WDFY4: variants seen among roughly 807,000 people sequenced by gnomAD.
WDFY4 encodes the protein WD repeat- and FYVE domain-containing protein 4.
WDFY4 carries 169 observed loss-of-function variants against 351.9 expected under a neutral mutation model. That is an observed-to-expected ratio of 0.48 (90% CI 0.42 to 0.55). The LOEUF is 0.55. Among genes scored for constraint, WDFY4 ranks in the 20% least tolerant of loss-of-function variants. The pLI is 0.00. For synonymous variants in WDFY4, 1,622 were observed against 1,574.6 expected (o/e 1.03, Z -0.71); for missense variants, 3,803 against 3,935.6 (o/e 0.97, Z 0.90).
At chr10:48,815,822 T>G (rs150226060) in intron 31 of WDFY4, among the ~76,000 whole-genome samples, 2 of 152,292 alleles carry the variant, frequency 1.3e-5, no homozygotes, top group East Asian at 3.9e-4. Flanking sequence ...TTAGTCACTC[T>G]GTCCTTATTC....
chr10:48,830,072 G>A (rs1778592698), intron 37 of WDFY4, among the ~76,000 whole-genome samples: 1 of 152,216 alleles, frequency 6.6e-6, no homozygotes, highest in African/African-American at 2.4e-5. Context: ...GGACTCATTG[G>A]TCCAAGATCA....
intron 48 of WDFY4, 115 bp downstream of exon 48, chr10:48,941,963 T>A: frequency 1.0e-6 from 1 of 979,762 alleles, no homozygotes; most frequent in Non-Finnish European, 1.5e-6. Flanking sequence ...TTATTATTTA[T>A]TATTATTATT....
intron 47 of WDFY4, among the ~76,000 whole-genome samples, chr10:48,937,534 C>T (rs955338205): frequency 1.3e-5 from 2 of 152,194 alleles, no homozygotes; most frequent in Non-Finnish European, 2.9e-5. Context: ...CCTTGCCCCA[C>T]ACCTCCATAT....
At position 48,829,015 on chromosome 10, in the gene WDFY4, C is replaced by T. The variant is rs998094032; in HGVS notation, c.6340+119C>T. ...GTTCGTCCTTCCCGAAATAAGAAAGCAGATACTATTAAGGACATTTTCAAA... is the reference window on the plus strand; with the variant it reads ...GTTCGTCCTTCCCGAAATAAGAAAGTAGATACTATTAAGGACATTTTCAAA... On this transcript the variant is annotated intron_variant, in intron 37 of 61. Transcript: ENST00000325239. The T allele has an allele frequency of 6.4e-6, 4 of 628,064 alleles. No homozygotes were observed. The African/African-American group carries it at 7.5e-5, about 12-fold the overall frequency. 38.9% of individuals were successfully genotyped at this position (628,064 alleles called of 1,614,324 possible).
At chr10:48,741,492 A>G (rs2132406528) in intron 11 of WDFY4, among the ~76,000 whole-genome samples, 1 of 150,548 alleles carries the variant, frequency 6.6e-6, no homozygotes, top group East Asian at 1.9e-4. Flanking sequence ...GGAGCTCCCA[A>G]AGTGCATGAC....
chr10:48,817,147 CT>C (rs1304752440), intron 31 of WDFY4, 97 bp from the exon 32 acceptor site: 1 of 1,371,020 alleles, frequency 7.3e-7, no homozygotes, highest in African/African-American at 1.4e-5. Context: ...TGTTGAAAGT[CT>C]CAGGAAGGAA....
chr10:48,816,041 T>G (rs1393156709), intron 31 of WDFY4, among the ~76,000 whole-genome samples: 1 of 152,224 alleles, frequency 6.6e-6, no homozygotes, highest in African/African-American at 2.4e-5. Context: ...TGCCTGGACC[T>G]AAATTTGTCC....
chr10:48,893,433 G>A (rs995205257), intron 44 of WDFY4, among the ~76,000 whole-genome samples: 1 of 152,236 alleles, frequency 6.6e-6, no homozygotes, highest in African/African-American at 2.4e-5. Context: ...ACAAGGCAGA[G>A]AATTTGATTA....
chr10:48,875,744 T>G (rs931270996), intron 42 of WDFY4, among the ~76,000 whole-genome samples: 2 of 152,184 alleles, frequency 1.3e-5, no homozygotes, highest in African/African-American at 2.4e-5. Context: ...TGATCAAACT[T>G]TTCTCATTTC....
intron 19 of WDFY4, among the ~76,000 whole-genome samples, chr10:48,782,974 C>G (rs986317844): frequency 2.0e-5 from 3 of 151,968 alleles, no homozygotes; most frequent in African/African-American, 7.3e-5. Flanking sequence ...TCTGTGCCTG[C>G]GAGAACAGAG....
chr10:48,952,911 G>A (rs549745214), intron 51 of WDFY4, among the ~76,000 whole-genome samples: 1 of 152,292 alleles, frequency 6.6e-6, no homozygotes, highest in Non-Finnish European at 1.5e-5. Flanking sequence ...CAGAGGCTCA[G>A]AGAATGCTGG....
In WDFY4 at chr10:48,813,021, G is replaced by A. The variant is rs560517947; in HGVS notation, c.5215-936G>A. On this transcript the variant is annotated intron_variant, in intron 30 of 61. Coordinates refer to ENST00000325239, the MANE Select transcript of WDFY4 (RefSeq NM_001394531.1). ...ATTTCCTCCTTTGTGCCTCAGTGTA[G>A]TTTACCCTATATGGATGGCACCAAT... is the stretch of plus-strand genomic sequence containing the variant. Among the ~76,000 whole-genome samples, 5 of 152,236 alleles carry A rather than the reference G, an allele frequency of 3.3e-5. No individual in the cohort carries two copies. The South Asian group carries it at 1.0e-3, about 32-fold the overall frequency.
chr10:48,806,861 G>A (rs748676691), intron 27 of WDFY4, among the ~76,000 whole-genome samples: 5 of 152,214 alleles, frequency 3.3e-5, no homozygotes, highest in African/African-American at 4.8e-5. Flanking sequence ...CTCACTCACT[G>A]TAGCCACGTT....
intron 51 of WDFY4, among the ~76,000 whole-genome samples, chr10:48,951,995 G>A (rs1841346710): frequency 6.6e-6 from 1 of 152,226 alleles, no homozygotes; most frequent in African/African-American, 2.4e-5. Flanking sequence ...AGTGGGGAAG[G>A]GTTTTCCGAA....
Position 48,882,152 on chromosome 10 carries a change from C to T in WDFY4, c.7167+4953C>T, listed in dbSNP as rs1324950374. On this transcript the variant is annotated intron_variant, in intron 43 of 61. Coordinates refer to ENST00000325239, the MANE Select transcript of WDFY4 (RefSeq NM_001394531.1). ...AGCCAGGCCTGGGTCTGCTCACATG[C>T]CTTAGGACCCAGCTTGAGGGAGGGC... Among the ~76,000 whole-genome samples the T allele has an allele frequency of 2.6e-5, 4 of 152,138 alleles. 1 individual carries two copies. Among genetic ancestry groups the T allele is most frequent in the Non-Finnish European group, 4.4e-5 (3 of 68,032 alleles).
chr10:48,864,339 T>G (rs763329778), intron 39 of WDFY4, among the ~76,000 whole-genome samples: 3 of 152,222 alleles, frequency 2.0e-5, no homozygotes, highest in Non-Finnish European at 2.9e-5. Context: ...AAAAAGACTA[T>G]TCGTTCCCCA....
intron 5 of WDFY4, among the ~76,000 whole-genome samples, chr10:48,725,037 CG>C (rs1007163364): frequency 1.3e-5 from 2 of 151,904 alleles, no homozygotes; most frequent in African/African-American, 4.8e-5. Context: ...GTAGTGTGGC[CG>C]GGTGGGGTGG....
chr10:48,698,276 T>C (rs879171586), intron 1 of WDFY4, among the ~76,000 whole-genome samples: 1 of 152,162 alleles, frequency 6.6e-6, no homozygotes, highest in Non-Finnish European at 1.5e-5. Flanking sequence ...GCGTGGGAGA[T>C]TACACCAATC....
intron 47 of WDFY4, among the ~76,000 whole-genome samples, chr10:48,905,971 T>C (rs927634855): frequency 6.6e-5 from 10 of 152,198 alleles, no homozygotes; most frequent in East Asian, 5.8e-4. Context: ...GCCAGCCCAA[T>C]TGTGGCTTCA....
Sources: allele counts gnomAD v4.1 joint callset (sites outside exome capture counted in the v4.1 genomes callset), GRCh38; gene constraint gnomAD v4.1.1; transcripts MANE v1.5; gene names NCBI Gene and HGNC (gene_info 2026-07-23, HGNC 2026-07-21).